Variants in KIAA1549L observed in about 807,000 individuals in gnomAD.
KIAA1549L encodes the protein KIAA1549 like.
KIAA1549L carries 88 observed loss-of-function variants against 160.7 expected under a neutral mutation model. The ratio of observed to expected loss-of-function variants is 0.55; its 90% CI spans 0.46 to 0.65. KIAA1549L has a LOEUF of 0.65. Ranked by LOEUF, KIAA1549L falls within the 30% of genes least tolerant of loss-of-function variation. The pLI is 0.00. For synonymous variants in KIAA1549L, 950 were observed against 976.7 expected (o/e 0.97, Z 0.51); for missense variants, 2,258 against 2,437.5 (o/e 0.93, Z 1.55).
At chr11:33,613,246 C>A (rs1471820984) in intron 15 of KIAA1549L, among the ~76,000 whole-genome samples, 1 of 152,114 alleles carries the variant, frequency 6.6e-6, no homozygotes, top group African/African-American at 2.4e-5. Flanking sequence ...TCCCTTTTTC[C>A]TGTAACCTCA....
rs898133694 is a variant in KIAA1549L at position 33,535,729 on chromosome 11, G to T, written c.239-6073G>T. Among the ~76,000 whole-genome samples, 17 of 152,008 alleles carry T rather than the reference G, an allele frequency of 1.1e-4. 1 individual carries two copies. Among genetic ancestry groups the T allele is most frequent in the African/African-American group, 3.9e-4 (16 of 41,396 alleles). ...GTTCTCCTCATACCCAAAGAGAGTG[G>T]ATCACAAAAGGCATGACCACCAGGA... On this transcript the variant is annotated intron_variant, in intron 1 of 20. Transcript: ENST00000658780.
chr11:33,376,239 A>G lies in KIAA1549L; in HGVS notation c.-413A>G, dbSNP rs1024488846. Among the ~76,000 whole-genome samples the G allele has an allele frequency of 6.8e-4, 101 of 148,316 alleles. 1 individual carries two copies. Among genetic ancestry groups the G allele is most frequent in the Non-Finnish European group, 6.0e-5 (4 of 66,550 alleles). The stretch of plus-strand genomic sequence containing the variant: ...CAGGACAGCGGGGCGCCGAGGCTGC[A>G]GCGGCGGCGGGAGGGAGGGACCCGA... On this transcript the variant is annotated 5_prime_UTR_variant, in exon 1 of 21. Coordinates refer to ENST00000658780, the MANE Select transcript of KIAA1549L (RefSeq NM_012194.3). This position sits in a 1 kb window ranked among gnomAD's most constrained non-coding sequence, Gnocchi z 5.8.
intron 1 of KIAA1549L, among the ~76,000 whole-genome samples, chr11:33,510,278 C>T (rs751577617): frequency 2.6e-5 from 4 of 152,016 alleles, no homozygotes; most frequent in Admixed American, 6.6e-5. Context: ...CTCTACCTCC[C>T]GGGTTCAAGT....
intron 1 of KIAA1549L, among the ~76,000 whole-genome samples, chr11:33,455,468 T>G (rs575121424): frequency 2.0e-5 from 3 of 152,294 alleles, no homozygotes; most frequent in African/African-American, 7.2e-5. Context: ...CTGGTGTAGA[T>G]CAACAAGGCT....
intron 1 of KIAA1549L, among the ~76,000 whole-genome samples, chr11:33,435,794 A>ATATATGTGTGTGTGTG (rs1851351640): frequency 9.3e-5 from 3 of 32,354 alleles, no homozygotes; most frequent in Non-Finnish European, 1.5e-4. Context: ...ATATATATAT[A>ATATATGTGTGTGTGTG]TATATATATA....
At chr11:33,538,171 T>G (rs2133164385) in intron 1 of KIAA1549L, among the ~76,000 whole-genome samples, 1 of 152,240 alleles carries the variant, frequency 6.6e-6, no homozygotes, top group South Asian at 2.1e-4. Flanking sequence ...TAAAACCAGA[T>G]CTCGTGAGAA....
intron 1 of KIAA1549L, among the ~76,000 whole-genome samples, chr11:33,457,736 C>T (rs1002646923): frequency 4.6e-5 from 7 of 152,162 alleles, no homozygotes; most frequent in Admixed American, 1.3e-4. Flanking sequence ...AAGACTTCCT[C>T]GAGGTGGTGA....
chr11:33,410,782 G>C (rs951176942), intron 1 of KIAA1549L, among the ~76,000 whole-genome samples: 5 of 152,226 alleles, frequency 3.3e-5, no homozygotes, highest in Non-Finnish European at 7.3e-5. Context: ...GGAATTCTGG[G>C]AAGAGGGAAC....
At chr11:33,629,874 G>T (rs1205936550) in intron 16 of KIAA1549L, among the ~76,000 whole-genome samples, 2 of 114,068 alleles carry the variant, frequency 1.8e-5, no homozygotes, top group Admixed American at 8.7e-5. Flanking sequence ...CTGCTTTTTA[G>T]AGTTTCCAGT....
chr11:33,423,321 C>T (rs1280787331), intron 1 of KIAA1549L, among the ~76,000 whole-genome samples: 1 of 152,008 alleles, frequency 6.6e-6, no homozygotes, highest in Non-Finnish European at 1.5e-5. Context: ...TATGGTAAAG[C>T]TTGGGTGGAG....
chr11:33,566,646 C>T (rs921916692), intron 8 of KIAA1549L, among the ~76,000 whole-genome samples: 16 of 152,192 alleles, frequency 1.1e-4, no homozygotes, highest in South Asian at 6.2e-4. Flanking sequence ...TTTTCTTTCT[C>T]GCTTGATCTA....
intron 1 of KIAA1549L, among the ~76,000 whole-genome samples, chr11:33,400,525 T>C (rs1850477705): frequency 6.6e-6 from 1 of 152,214 alleles, no homozygotes; most frequent in South Asian, 2.1e-4. Flanking sequence ...TGGGAACTTC[T>C]GAGTCATTGA....
At chr11:33,507,320 A>G (rs1853114265) in intron 1 of KIAA1549L, among the ~76,000 whole-genome samples, 1 of 152,198 alleles carries the variant, frequency 6.6e-6, no homozygotes, top group East Asian at 1.9e-4. Context: ...TAAAAGCTTA[A>G]GATTAGTGGA....
intron 1 of KIAA1549L, among the ~76,000 whole-genome samples, chr11:33,440,548 A>G (rs931526869): frequency 6.6e-6 from 1 of 152,154 alleles, no homozygotes; most frequent in African/African-American, 2.4e-5. Context: ...CTTTTCCCTC[A>G]TTTTATACAA....
At chr11:33,400,627 C>A (rs1367002233) in intron 1 of KIAA1549L, among the ~76,000 whole-genome samples, 1 of 152,082 alleles carries the variant, frequency 6.6e-6, no homozygotes, top group Non-Finnish European at 1.5e-5. Flanking sequence ...ATATTCTTAC[C>A]CACAGCACAT....
chr11:33,496,212 C>T (rs1852816262), intron 1 of KIAA1549L, among the ~76,000 whole-genome samples: 2 of 152,194 alleles, frequency 1.3e-5, no homozygotes, highest in African/African-American at 2.4e-5. Context: ...GATCCACCTG[C>T]CTCGGCCTCC....
chr11:33,600,825 C>CCATA (rs1850339160), intron 13 of KIAA1549L, among the ~76,000 whole-genome samples: 1 of 152,092 alleles, frequency 6.6e-6, no homozygotes, highest in Non-Finnish European at 1.5e-5. Context: ...TTAAACTGTG[C>CCATA]CATACAAAGC....
chr11:33,528,671 C>T (rs1853668861), intron 1 of KIAA1549L, among the ~76,000 whole-genome samples: 1 of 152,140 alleles, frequency 6.6e-6, no homozygotes, highest in Non-Finnish European at 1.5e-5. Flanking sequence ...GAAATAATGG[C>T]ATTTGCAGCA....
chr11:33,661,532 A>G (rs1852260004), intron 20 of KIAA1549L, among the ~76,000 whole-genome samples: 1 of 152,226 alleles, frequency 6.6e-6, no homozygotes, highest in Admixed American at 6.5e-5. Flanking sequence ...CGTTTCTTTT[A>G]GCATAATAAT....
Sources: gnomAD v4.1 joint callset for allele counts (sites outside exome capture counted in the v4.1 genomes callset) on GRCh38, gnomAD v4.1.1 for gene constraint, Gnocchi (gnomAD v3.1) non-coding constraint, MANE v1.5 for transcripts, NCBI Gene and HGNC (gene_info 2026-07-23, HGNC 2026-07-21) for gene names.